BLOC1S5: variants seen among roughly 807,000 people sequenced by gnomAD.
The protein encoded by BLOC1S5 is biogenesis of lysosomal organelles complex 1 subunit 5.
In BLOC1S5, 27 loss-of-function variants were observed where a neutral mutation model predicts 24.3. The observed-to-expected ratio is 1.11, with a 90% CI of 0.82 to 1.53. The LOEUF (loss-of-function observed/expected upper bound fraction) is 1.53, where lower values mean the gene tolerates loss of function less well. Ranked by LOEUF, BLOC1S5 falls within the 40% of genes most tolerant of loss-of-function variation. The probability of loss-of-function intolerance (pLI) is 0.00; values close to 1 mark genes in which losing one functional copy is unlikely to be tolerated. For synonymous variants in BLOC1S5, 84 were observed against 74.5 expected (o/e 1.13, Z -0.66); for missense variants, 239 against 229.4 (o/e 1.04, Z -0.27).
At chr6:8,020,059 A>G (rs994100435) in intron 4 of BLOC1S5, among the ~76,000 whole-genome samples, 2 of 152,244 alleles carry the variant, frequency 1.3e-5, no homozygotes, top group African/African-American at 4.8e-5. Context: ...TATTCACCAT[A>G]ATATAAAATC....
At chr6:8,043,050 A>G (rs114805004) in intron 2 of BLOC1S5, among the ~76,000 whole-genome samples, 52 of 152,264 alleles carry the variant, frequency 3.4e-4, no homozygotes, top group Non-Finnish European at 6.5e-4. Context: ...ACTGCTTTGT[A>G]TTCTTTTGCC....
At chr6:8,037,492 A>G (rs1763526470) in intron 3 of BLOC1S5, among the ~76,000 whole-genome samples, 1 of 152,228 alleles carries the variant, frequency 6.6e-6, no homozygotes, top group African/African-American at 2.4e-5. Flanking sequence ...ACAAAAATGG[A>G]AAGATATCCA....
intron 2 of BLOC1S5, among the ~76,000 whole-genome samples, chr6:8,052,577 A>C (rs185864770): frequency 6.6e-6 from 1 of 152,150 alleles, no homozygotes; most frequent in Non-Finnish European, 1.5e-5. Flanking sequence ...GGGTGGAAAA[A>C]GCAAAACAAC....
chr6:8,015,879 C>T, intron 4 of BLOC1S5, 51 bp from the exon 5 acceptor site: 1 of 1,506,284 alleles, frequency 6.6e-7, no homozygotes, highest in Middle Eastern at 1.8e-4. Context: ...ACAATTATTT[C>T]ATAACGTTAT....
intron 2 of BLOC1S5, among the ~76,000 whole-genome samples, chr6:8,044,886 TA>T (rs1257552998): frequency 6.6e-6 from 1 of 152,098 alleles, no homozygotes; most frequent in Non-Finnish European, 1.5e-5. Flanking sequence ...AAGCGGAGCA[TA>T]AAAGTTTGGA....
intron 2 of BLOC1S5, among the ~76,000 whole-genome samples, chr6:8,061,787 C>T (rs1161480981): frequency 6.6e-6 from 1 of 152,148 alleles, no homozygotes; most frequent in Non-Finnish European, 1.5e-5. Flanking sequence ...CACAATAAAC[C>T]AATTATACAT....
rs758954740 is a variant in BLOC1S5 at position 8,035,348 on chromosome 6, T to C, written c.325+5791A>G. Among the ~76,000 whole-genome samples the C allele has an allele frequency of 7.6e-3, 896 of 118,572 alleles. 14 individuals carry two copies. The East Asian group carries it at 0.12, about 16-fold the overall frequency. The allele number at this position is 118,572 out of a possible 152,430, so 77.8% of individuals were successfully genotyped here. A position where few individuals can be genotyped will look rare whatever the true frequency, so the allele number is the denominator to read the frequency against. ...ATTTTCAAAAAGGAATAAAAATCTT[T>C]TTTTTTTTTTTAAAAAAAAGGCATA... On this transcript the variant is annotated intron_variant, in intron 3 of 4. Coordinates refer to ENST00000397457, the MANE Select transcript of BLOC1S5 (RefSeq NM_201280.3).
intron 4 of BLOC1S5, among the ~76,000 whole-genome samples, chr6:8,021,872 C>A (rs1762926184): frequency 6.6e-6 from 1 of 152,072 alleles, no homozygotes; most frequent in South Asian, 2.1e-4. Context: ...TTATTAATAA[C>A]CTATAACCAC....
intron 4 of BLOC1S5, among the ~76,000 whole-genome samples, chr6:8,025,381 T>C (rs1763069727): frequency 6.6e-6 from 1 of 152,188 alleles, no homozygotes. Flanking sequence ...AAGCACCCCA[T>C]CCTGACACAA....
At chr6:8,020,844 G>A (rs1884307) in intron 4 of BLOC1S5, among the ~76,000 whole-genome samples, 5,952 of 152,232 alleles carry the variant, frequency 0.039, 367 homozygotes, top group African/African-American at 0.13. Flanking sequence ...TAAAGAAGAT[G>A]AAAACCTTGG....
chr6:8,016,338 AT>A (rs1554136790), intron 4 of BLOC1S5, among the ~76,000 whole-genome samples: 3 of 151,540 alleles, frequency 2.0e-5, no homozygotes, highest in African/African-American at 4.8e-5. Context: ...AAAAAAAAAA[AT>A]TTTTTTTAAA....
intron 1 of BLOC1S5, among the ~76,000 whole-genome samples, chr6:8,063,074 G>T (rs1187816922): frequency 6.6e-6 from 1 of 151,776 alleles, no homozygotes; most frequent in African/African-American, 2.4e-5. Flanking sequence ...TAATAAAAAA[G>T]CAAGTTTCAG....
chr6:8,020,086 G>A (rs1250319586), intron 4 of BLOC1S5, among the ~76,000 whole-genome samples: 4 of 152,064 alleles, frequency 2.6e-5, no homozygotes, highest in African/African-American at 7.2e-5. Flanking sequence ...TCTCAGTAAC[G>A]CCTGATTCCT....
intron 1 of BLOC1S5, among the ~76,000 whole-genome samples, chr6:8,063,987 C>A (rs1489255098): frequency 3.3e-5 from 5 of 152,232 alleles, no homozygotes; most frequent in Non-Finnish European, 7.3e-5. Context: ...AAAGGCTCTG[C>A]GCCCAGGGGT....
Position 8,064,319 on chromosome 6 carries a change from T to G in BLOC1S5, c.58A>C (p.Ser20Arg). Reference protein sequence around the residue: ...VGCEAAPGGGSKKRDSLGTAG... With the variant: ...VGCEAAPGGGRKKRDSLGTAG... Reference sequence around the variant, plus strand: ...GTCCCCAGGGAGTCCCTCTTCTTGCTGCCACCGCCCGGGGCGGCCTCACAA... The same window carrying G: ...GTCCCCAGGGAGTCCCTCTTCTTGCGGCCACCGCCCGGGGCGGCCTCACAA... Residue 20 changes from serine to arginine, a missense_variant, in exon 1 of 5, where the codon AGC becomes CGC. Ser to Arg is a moderately radical substitution (Grantham distance 110). Coordinates refer to ENST00000397457, the MANE Select transcript of BLOC1S5 (RefSeq NM_201280.3). The G allele has an allele frequency of 6.2e-7, 1 of 1,613,668 alleles. No homozygotes were observed. The highest frequency in any genetic ancestry group is 2.2e-5 in the East Asian group (1 of 44,876).
In BLOC1S5 at chr6:8,015,668, G is replaced by T. The variant is rs367984586; in HGVS notation, c.545C>A (p.Ala182Glu). 4 of 1,609,544 alleles carry T rather than the reference G, an allele frequency of 2.5e-6. No homozygotes were observed. In the African/African-American group the frequency reaches 4.0e-5, roughly 16 times the overall value. The change falls in exon 5 of 5, where the codon GCG (alanine) becomes GAG (glutamate). Residue 182 changes from alanine (A) to glutamate (E), a missense_variant. Physicochemically the swap from Ala to Glu is moderately radical, Grantham distance 107. Transcript: ENST00000397457. ...AAGTTCTTAAAAGGTTGAAAATTTC[G>T]CTAGGTCCTTCTCCATCTCAGCATA... ...EQYAEMEKDL[A>E]KFSTF
intron 3 of BLOC1S5, among the ~76,000 whole-genome samples, chr6:8,036,617 A>G: frequency 6.6e-6 from 1 of 152,286 alleles, no homozygotes; most frequent in Admixed American, 6.5e-5. Context: ...CACCAATTCT[A>G]CTCAAGTTCT....
rs1033028116 is a variant in BLOC1S5, at chr6:8,015,318, ATCTT to A, written c.*327_*330del. On this transcript the variant is annotated 3_prime_UTR_variant, in exon 5 of 5. Coordinates refer to ENST00000397457, the MANE Select transcript of BLOC1S5 (RefSeq NM_201280.3). The stretch of plus-strand genomic sequence containing the variant: ...ACCCTGTATAGAAATGAATGAAATT[ATCTT>A]TCTAAGAAGTCTATACCTACAGTTC... The A allele has an allele frequency of 3.8e-5, 8 of 208,624 alleles. No homozygotes were observed. The highest frequency in any genetic ancestry group is 1.2e-4 in the African/African-American group (5 of 43,462). The allele number at this position is 208,624 out of a possible 1,614,324, so 12.9% of individuals were successfully genotyped here. A position where few individuals can be genotyped will look rare whatever the true frequency, so the allele number is the denominator to read the frequency against.
intron 2 of BLOC1S5, among the ~76,000 whole-genome samples, chr6:8,056,719 A>G (rs2113601815): frequency 6.6e-6 from 1 of 152,330 alleles, no homozygotes; most frequent in Admixed American, 6.5e-5. Context: ...TTGGGGTTCC[A>G]GGGTGCTCCT....
Sources: allele counts gnomAD v4.1 joint callset (sites outside exome capture counted in the v4.1 genomes callset), GRCh38; gene constraint gnomAD v4.1.1; transcripts MANE v1.5; gene names NCBI Gene and HGNC (gene_info 2026-07-23, HGNC 2026-07-21).